Variants in PARP8 observed in about 807,000 individuals in gnomAD.
PARP8 encodes poly(ADP-ribose) polymerase family member 8.
In PARP8, 51 loss-of-function variants were observed where a neutral mutation model predicts 124.1. The ratio of observed to expected loss-of-function variants is 0.41; its 90% CI spans 0.33 to 0.52. PARP8 has a LOEUF of 0.52. Ranked by LOEUF, PARP8 falls within the 20% of genes least tolerant of loss-of-function variation. The probability of loss-of-function intolerance (pLI) is 0.21; values close to 1 mark genes in which losing one functional copy is unlikely to be tolerated. For missense variants in PARP8, 860 were observed against 1,018.9 expected (o/e 0.84, Z 2.12); for synonymous variants, 391 against 361.5 (o/e 1.08, Z -0.93).
At chr5:50,752,271 A>C (rs1759342124) in intron 3 of PARP8, among the ~76,000 whole-genome samples, 1 of 152,074 alleles carries the variant, frequency 6.6e-6, no homozygotes, top group Admixed American at 6.6e-5. Context: ...GTTTTGTCAT[A>C]TACTTTAGCA....
intron 14 of PARP8, among the ~76,000 whole-genome samples, chr5:50,807,265 TC>T (rs1247916816): frequency 3.3e-5 from 5 of 152,060 alleles, no homozygotes; most frequent in Non-Finnish European, 7.4e-5. Context: ...ACTTAGAAAC[TC>T]CCTGCTGCTC....
At chr5:50,800,021 G>A (rs764101848) in intron 14 of PARP8, among the ~76,000 whole-genome samples, 27 of 152,126 alleles carry the variant, frequency 1.8e-4, no homozygotes, top group Non-Finnish European at 2.9e-4. Flanking sequence ...ACAGCAGCCG[G>A]AATAGACCAA....
Position 50,759,622 on chromosome 5 carries a change from CTT to C in PARP8, c.185-6_185-5del, listed in dbSNP as rs4029424. The C allele has an allele frequency of 2.8e-3, 3,703 of 1,315,726 alleles. No individual in the cohort carries two copies. Among genetic ancestry groups the C allele is most frequent in the South Asian group, 8.9e-3 (504 of 56,800 alleles). 81.5% of individuals were successfully genotyped at this position (1,315,726 alleles called of 1,614,324 possible). On this transcript the variant is annotated intron_variant, in intron 3 of 25. Transcript: ENST00000281631. ...TTTTTAAACTTATGCCTTTCATTAT[CTT>C]TTTTTTTTTTTTTTGCAGATAATAC...
chr5:50,830,819 CGTGTGTGTGTGTGT>C (rs10611893), intron 22 of PARP8, among the ~76,000 whole-genome samples: 1 of 147,826 alleles, frequency 6.8e-6, no homozygotes, highest in Non-Finnish European at 1.5e-5. Context: ...TGTGCTCATG[CGTGTGTGTGTGTGT>C]GTGTGTGTGT....
intron 9 of PARP8, among the ~76,000 whole-genome samples, chr5:50,788,206 A>G (rs575825529): frequency 4.1e-4 from 60 of 145,544 alleles, no homozygotes; most frequent in African/African-American, 1.5e-3. Context: ...TGTATAATAT[A>G]TATTATTATA....
At chr5:50,723,985 T>TA (rs1198760616) in intron 2 of PARP8, among the ~76,000 whole-genome samples, 5 of 152,060 alleles carry the variant, frequency 3.3e-5, no homozygotes, top group Non-Finnish European at 5.9e-5. Context: ...ATTTTTAAAT[T>TA]AAAAAAGAAT....
intron 9 of PARP8, among the ~76,000 whole-genome samples, chr5:50,782,442 G>A (rs917339642): frequency 6.6e-6 from 1 of 152,112 alleles, no homozygotes; most frequent in Non-Finnish European, 1.5e-5. Context: ...TTGAAAATGT[G>A]CAGTAATGTA....
chr5:50,714,407 A>T (rs550587305), intron 2 of PARP8, among the ~76,000 whole-genome samples: 92 of 152,018 alleles, frequency 6.1e-4, no homozygotes, highest in African/African-American at 2.2e-3. Context: ...TATTTATTTA[A>T]TTTTCTGTTT....
chr5:50,829,869 CT>C, intron 21 of PARP8, 22 bp from the exon 22 acceptor site: 1 of 1,586,720 alleles, frequency 6.3e-7, no homozygotes, highest in South Asian at 1.2e-5. Flanking sequence ...ACCTCTCTCT[CT>C]CTCCCACTCT....
chr5:50,790,017 A>G lies in PARP8; in HGVS notation c.737+1428A>G, dbSNP rs570971391. 7.2e-5 allele frequency among the ~76,000 whole-genome samples: 11 copies of G among 152,290 alleles called. No individual in the cohort carries two copies. The East Asian group carries it at 2.1e-3, about 29-fold the overall frequency. On this transcript the variant is annotated intron_variant, in intron 10 of 25. Transcript: ENST00000281631. Reference sequence around the variant, plus strand: ...ATCTAGGATTTTGTACGTATTACAGAGCTCTAGAATTTTCTCAAGTTTTTA... The same window carrying G: ...ATCTAGGATTTTGTACGTATTACAGGGCTCTAGAATTTTCTCAAGTTTTTA...
At chr5:50,790,494 C>T (rs369134016) in intron 10 of PARP8, among the ~76,000 whole-genome samples, 1 of 152,094 alleles carries the variant, frequency 6.6e-6, no homozygotes, top group Non-Finnish European at 1.5e-5. Flanking sequence ...TTTCCTCACT[C>T]AATTTCCTCC....
Position 50,826,688 on chromosome 5 carries a change from A to G in PARP8, c.1929-67A>G, listed in dbSNP as rs191580536. 469 of 1,511,294 alleles carry G rather than the reference A, an allele frequency of 3.1e-4. 1 individual carries two copies. The highest frequency in any genetic ancestry group is 6.2e-4 in the Admixed American group (24 of 38,638). The allele number at this position is 1,511,294 out of a possible 1,614,324, so 93.6% of individuals were successfully genotyped here. On this transcript the variant is annotated intron_variant, in intron 18 of 25. Transcript: ENST00000281631. The stretch of plus-strand genomic sequence containing the variant: ...CAAAAATAAGTTTTAATCGGTTGCC[A>G]ACTAAGAAAAAGAACTTTAAATATA...
intron 20 of PARP8, 41 bp from the exon 21 acceptor site, chr5:50,828,271 A>G: frequency 6.4e-7 from 1 of 1,566,734 alleles, no homozygotes; most frequent in Non-Finnish European, 8.8e-7. Flanking sequence ...AAGATAATTA[A>G]TTTTCTGGTT....
intron 2 of PARP8, among the ~76,000 whole-genome samples, chr5:50,733,240 G>T (rs1183157253): frequency 3.3e-5 from 5 of 151,544 alleles, no homozygotes; most frequent in Non-Finnish European, 5.9e-5. Context: ...GTTGCAGTGA[G>T]CCGAGATCGC....
rs146007422 is a variant in PARP8 at position 50,680,359 on chromosome 5, C to T, written c.146+12234C>T. Reference sequence around the variant, plus strand: ...TATAAAAGGCAAGGTGGGGAACAGACGGGTGAATGAGTACGGAGGTCATTT... The same window carrying T: ...TATAAAAGGCAAGGTGGGGAACAGATGGGTGAATGAGTACGGAGGTCATTT... On this transcript the variant is annotated intron_variant, in intron 2 of 25. Coordinates refer to ENST00000281631, the MANE Select transcript of PARP8 (RefSeq NM_024615.4). 9.0e-3 allele frequency among the ~76,000 whole-genome samples: 1,365 copies of T among 151,984 alleles called. 13 individuals are homozygous for T. Among genetic ancestry groups the T allele is most frequent in the Non-Finnish European group, 0.014 (984 of 67,976 alleles).
At chr5:50,714,917 C>G (rs1176130089) in intron 2 of PARP8, among the ~76,000 whole-genome samples, 1 of 152,136 alleles carries the variant, frequency 6.6e-6, no homozygotes, top group Non-Finnish European at 1.5e-5. Context: ...TAGATCACTT[C>G]ACATTTTTCT....
At chr5:50,700,455 T>C (rs1753475846) in intron 2 of PARP8, among the ~76,000 whole-genome samples, 2 of 152,192 alleles carry the variant, frequency 1.3e-5, no homozygotes, top group Admixed American at 1.3e-4. Flanking sequence ...AAATTTTTGT[T>C]TGATCCCACT....
intron 2 of PARP8, among the ~76,000 whole-genome samples, chr5:50,689,227 A>G (rs1334229262): frequency 1.3e-5 from 2 of 151,114 alleles, no homozygotes; most frequent in Non-Finnish European, 3.0e-5. Flanking sequence ...CACACCATCC[A>G]CTCTTGTTAG....
At position 50,828,308 on chromosome 5, in the gene PARP8, T is replaced by C. The variant is rs754917222; in HGVS notation, c.2091-4T>C. ...TGCTTTTTCCTTTCCGTCTGTTTTT[T>C]TAGTGGCTCACACATTGAAAACTGG... On this transcript the variant is annotated splice_region_variant and splice_polypyrimidine_tract_variant and intron_variant, in intron 20 of 25. Coordinates refer to ENST00000281631, the MANE Select transcript of PARP8 (RefSeq NM_024615.4). 2 of 1,612,738 alleles carry C rather than the reference T, an allele frequency of 1.2e-6. No homozygotes were observed. Among genetic ancestry groups the C allele is most frequent in the Non-Finnish European group, 1.7e-6 (2 of 1,179,372 alleles).
Sources: gnomAD v4.1 joint callset for allele counts (sites outside exome capture counted in the v4.1 genomes callset) on GRCh38, gnomAD v4.1.1 for gene constraint, MANE v1.5 for transcripts, NCBI Gene and HGNC (gene_info 2026-07-23, HGNC 2026-07-21) for gene names.